ATP6V0A1: variants seen among roughly 807,000 people sequenced by gnomAD.
ATP6V0A1 encodes V-type proton ATPase 116 kDa subunit a 1.
In ATP6V0A1, 43 loss-of-function variants were observed where a neutral mutation model predicts 105.4. The ratio of observed to expected loss-of-function variants is 0.41; its 90% CI spans 0.32 to 0.53. The LOEUF (loss-of-function observed/expected upper bound fraction) is 0.53. Among genes scored for constraint, ATP6V0A1 ranks in the 20% least tolerant of loss-of-function variants. The pLI, the probability that ATP6V0A1 is intolerant of heterozygous loss-of-function variation, is 0.30. For missense variants in ATP6V0A1, 676 were observed against 1,051.1 expected, an observed-to-expected ratio of 0.64 and a Z score of 4.93; for synonymous variants, 362 against 372.8, an observed-to-expected ratio of 0.97 and a Z score of 0.33.
At chr17:42,471,871 G>A (rs145722274) in intron 5 of ATP6V0A1, among the ~76,000 whole-genome samples, 2 of 152,076 alleles carry the variant, frequency 1.3e-5, no homozygotes, top group Admixed American at 1.3e-4. Flanking sequence ...ACTTGGATGT[G>A]GTTTTTCTGA....
chr17:42,473,059 G>T (rs555136741), intron 5 of ATP6V0A1, among the ~76,000 whole-genome samples: 73 of 152,324 alleles, frequency 4.8e-4, no homozygotes, highest in African/African-American at 1.7e-3. Flanking sequence ...AAAAGGATCT[G>T]CTGGGTCAAG....
intron 10 of ATP6V0A1, 94 bp from the exon 11 acceptor site, chr17:42,490,393 C>A: frequency 9.1e-7 from 1 of 1,095,292 alleles, no homozygotes; most frequent in Non-Finnish European, 1.2e-6. Flanking sequence ...TTTATGTGTA[C>A]CATTTGATGA....
chr17:42,520,374 A>C (rs533924507), intron 21 of ATP6V0A1: 1 of 454,620 alleles, frequency 2.2e-6, no homozygotes. Context: ...AGGGCCCCAC[A>C]GAGACCATCA....
At position 42,466,457 on chromosome 17, in the gene ATP6V0A1, G is replaced by A. The variant is rs775674726; in HGVS notation, c.146G>A (p.Arg49Gln). The change falls in exon 3 of 22, where the codon CGG becomes CAG. Residue 49 changes from arginine to glutamine, a missense_variant. Coordinates refer to ENST00000343619, the MANE Select transcript of ATP6V0A1 (RefSeq NM_001130021.3). ...DLNPDVNVFQ[R>Q]KFVNEVRRCE... ...AATCCAGATGTGAATGTTTTCCAAC[G>A]GAAATTTGTGAATGAAGTTAGAAGA... 2.2e-5 allele frequency: 36 copies of A among 1,612,870 alleles called. No individual in the cohort carries two copies. Among genetic ancestry groups the A allele is most frequent in the Admixed American group, 1.2e-4 (7 of 59,976 alleles).
chr17:42,516,825 G>A (rs1321510024), intron 21 of ATP6V0A1, among the ~76,000 whole-genome samples: 2 of 152,212 alleles, frequency 1.3e-5, no homozygotes, highest in Non-Finnish European at 2.9e-5. Context: ...GGAATTGGGC[G>A]ACCTGGGTTG....
chr17:42,474,025 C>G (rs2088365153), intron 5 of ATP6V0A1, among the ~76,000 whole-genome samples: 1 of 148,720 alleles, frequency 6.7e-6, no homozygotes, highest in African/African-American at 2.5e-5. Flanking sequence ...TTTTTTGAGA[C>G]AGAGTCTCGC....
At chr17:42,496,307 G>A (rs2091174812) in intron 14 of ATP6V0A1, 1 of 152,028 alleles carries the variant, frequency 6.6e-6, no homozygotes, top group Non-Finnish European at 1.5e-5. Flanking sequence ...ATTTATTTCT[G>A]CTTACTTAGT....
rs1233413460 is a variant in ATP6V0A1, at chr17:42,458,887, C to G, written c.-124C>G. ...CTTTACGGACGCAAGCACGTCGAAG[C>G]GCTGCTCCTGGAGCCGCGGAGGGTG... On this transcript the variant is annotated 5_prime_UTR_variant, in exon 1 of 22. Transcript: ENST00000343619. 1 of 153,402 alleles carries G rather than the reference C, an allele frequency of 6.5e-6. No individual in the cohort carries two copies. The highest frequency in any genetic ancestry group is 2.4e-5 in the African/African-American group (1 of 41,452). The allele number at this position is 153,402 out of a possible 1,614,324, so 9.5% of individuals were successfully genotyped here.
rs1369711713 is a variant in ATP6V0A1 at position 42,494,398 on chromosome 17, C to T, written c.1239C>T (p.Gly413=). ...FAVMFGDFGH[G]ILMTLFAVWM... ...TGATGTTTGGAGACTTCGGTCATGG[C>T]ATTTTAATGACCCTTTTTGCTGTGT... Residue 413 remains glycine (G), a synonymous_variant, in exon 12 of 22, where the codon GGC becomes GGT. Transcript: ENST00000343619. The T allele has an allele frequency of 6.2e-7, 1 of 1,612,986 alleles. No homozygotes were observed. The highest frequency in any genetic ancestry group is 8.5e-7 in the Non-Finnish European group (1 of 1,179,130).
chr17:42,474,391 G>A (rs2145777353), intron 5 of ATP6V0A1, among the ~76,000 whole-genome samples: 1 of 151,956 alleles, frequency 6.6e-6, no homozygotes, highest in South Asian at 2.1e-4. Flanking sequence ...AGGTTCTTAT[G>A]CTGCTTTTGT....
At chr17:42,520,112 C>T (rs2092777742) in intron 21 of ATP6V0A1, 2 of 235,138 alleles carry the variant, frequency 8.5e-6, no homozygotes, top group African/African-American at 2.3e-5. Flanking sequence ...TGGAGCCTGC[C>T]CCAGCCCCCA....
rs148355292 is a variant in ATP6V0A1 at position 42,472,647 on chromosome 17, C to T, written c.423+2429C>T. ...GCTGAGGCAGGAGAATCGCTTGAAC[C>T]GGGGAGGCGGAGGTTGTAGTGAGCT... is the stretch of plus-strand genomic sequence containing the variant. On this transcript the variant is annotated intron_variant, in intron 5 of 21. Coordinates refer to ENST00000343619, the MANE Select transcript of ATP6V0A1 (RefSeq NM_001130021.3). Among the ~76,000 whole-genome samples the T allele has an allele frequency of 1.2e-3, 187 of 152,010 alleles. 3 individuals carry two copies. Among genetic ancestry groups the T allele is most frequent in the African/African-American group, 4.1e-3 (171 of 41,468 alleles).
chr17:42,494,908 C>G, intron 12 of ATP6V0A1, 126 bp from the exon 13 acceptor site: 2 of 1,075,994 alleles, frequency 1.9e-6, no homozygotes, highest in East Asian at 2.4e-5. Flanking sequence ...GTTTTTACTT[C>G]AAGCTCTCTG....
At chr17:42,469,234 C>T (rs1447896920) in intron 4 of ATP6V0A1, among the ~76,000 whole-genome samples, 4 of 151,664 alleles carry the variant, frequency 2.6e-5, no homozygotes, top group African/African-American at 7.3e-5. Flanking sequence ...CATCTGAAAT[C>T]GCCTGAGAAA....
intron 17 of ATP6V0A1, among the ~76,000 whole-genome samples, chr17:42,503,109 A>T (rs1359850014): frequency 6.6e-6 from 1 of 152,198 alleles, no homozygotes; most frequent in African/African-American, 2.4e-5. Context: ...TGTCCATGGC[A>T]ACAAAGTGGC....
intron 5 of ATP6V0A1, among the ~76,000 whole-genome samples, chr17:42,473,206 A>G (rs2088230408): frequency 1.3e-5 from 2 of 152,350 alleles, no homozygotes; most frequent in South Asian, 4.1e-4. Flanking sequence ...CCCTAATGAC[A>G]TCACGTTAGA....
chr17:42,516,760 G>A (rs959645648), intron 21 of ATP6V0A1, among the ~76,000 whole-genome samples: 1 of 152,188 alleles, frequency 6.6e-6, no homozygotes, highest in African/African-American at 2.4e-5. Context: ...TGGCCTCCCC[G>A]TGTCTTCCCA....
intron 9 of ATP6V0A1, among the ~76,000 whole-genome samples, chr17:42,485,502 G>A (rs2145908454): frequency 6.6e-6 from 1 of 152,200 alleles, no homozygotes; most frequent in South Asian, 2.1e-4. Context: ...AGTTTCTTTA[G>A]CATCCTTCTA....
intron 11 of ATP6V0A1, among the ~76,000 whole-genome samples, chr17:42,492,319 A>G (rs1025720847): frequency 1.3e-5 from 2 of 151,986 alleles, no homozygotes. Context: ...CAGTGAACCG[A>G]CATCATGCCA....
Sources: gnomAD v4.1 joint callset for allele counts (sites outside exome capture counted in the v4.1 genomes callset) on GRCh38, gnomAD v4.1.1 for gene constraint, MANE v1.5 for transcripts, NCBI Gene and HGNC (gene_info 2026-07-23, HGNC 2026-07-21) for gene names.